TDRD12: variants seen among roughly 807,000 people sequenced by gnomAD.
TDRD12 encodes the protein putative ATP-dependent RNA helicase TDRD12.
Under a neutral mutation model 133.5 loss-of-function variants are expected in TDRD12, and 158 were observed. The ratio of observed to expected loss-of-function variants is 1.18; its 90% CI spans 1.04 to 1.35. The LOEUF (loss-of-function observed/expected upper bound fraction) is 1.35. Among genes scored for constraint, TDRD12 ranks in the 40% most tolerant of loss-of-function variants. The pLI, the probability that TDRD12 is intolerant of heterozygous loss-of-function variation, is 0.00. For synonymous variants in TDRD12, 460 were observed against 477.9 expected (o/e 0.96, Z 0.49); for missense variants, 1,443 against 1,321.3 (o/e 1.09, Z -1.43).
At chr19:32,738,137 C>T (rs1969282959) in intron 2 of TDRD12, among the ~76,000 whole-genome samples, 2 of 151,188 alleles carry the variant, frequency 1.3e-5, no homozygotes. Context: ...AACTCCGTCT[C>T]AAAAAAAATA....
chr19:32,818,857 A>G (rs1405807705), intron 27 of TDRD12, among the ~76,000 whole-genome samples: 1 of 151,688 alleles, frequency 6.6e-6, no homozygotes, highest in Non-Finnish European at 1.5e-5. Context: ...AGTGAGGACC[A>G]AGACAGACAG....
exon 21 of TDRD12, chr19:32,803,055 A>C: frequency 1.3e-6 from 2 of 1,536,094 alleles, no homozygotes; most frequent in Non-Finnish European, 1.7e-6. Context: ...GAGCTGTACG[A>C]GTTCACCGCA....
chr19:32,764,816 C>G (rs1228449554), intron 8 of TDRD12, among the ~76,000 whole-genome samples: 1 of 152,078 alleles, frequency 6.6e-6, no homozygotes, highest in Non-Finnish European at 1.5e-5. Context: ...TTTTTATGTC[C>G]TCTAGGCATG....
intron 8 of TDRD12, among the ~76,000 whole-genome samples, chr19:32,768,117 C>T (rs1257550719): frequency 6.6e-6 from 1 of 152,122 alleles, no homozygotes; most frequent in African/African-American, 2.4e-5. Context: ...AGTGGCCGCG[C>T]CCCAGGCCAC....
At chr19:32,741,418 C>G (rs942109759) in intron 3 of TDRD12, among the ~76,000 whole-genome samples, 4 of 152,174 alleles carry the variant, frequency 2.6e-5, no homozygotes, top group African/African-American at 9.7e-5. Context: ...TCATGGCATA[C>G]GTGTTTATCA....
At chr19:32,748,905 G>T (rs1180543338) in intron 5 of TDRD12, among the ~76,000 whole-genome samples, 1 of 152,232 alleles carries the variant, frequency 6.6e-6, no homozygotes. Flanking sequence ...GATAGTAAAT[G>T]GATATTTATT....
intron 11 of TDRD12, among the ~76,000 whole-genome samples, chr19:32,784,518 G>T (rs931318967): frequency 2.0e-5 from 3 of 152,104 alleles, no homozygotes; most frequent in Non-Finnish European, 2.9e-5. Flanking sequence ...GAGTTAGGAA[G>T]GATTCCCTCT....
intron 1 of TDRD12, among the ~76,000 whole-genome samples, chr19:32,724,532 T>C (rs1968797400): frequency 6.6e-6 from 1 of 152,202 alleles, no homozygotes; most frequent in Non-Finnish European, 1.5e-5. Flanking sequence ...GCTTCATCCA[T>C]GTCCCTGCAA....
chr19:32,725,232 T>A (rs1167188020), intron 1 of TDRD12, among the ~76,000 whole-genome samples: 1 of 152,162 alleles, frequency 6.6e-6, no homozygotes, highest in East Asian at 1.9e-4. Flanking sequence ...CATTTGTCAA[T>A]TTTTACTTTT....
chr19:32,808,643 G>T (rs781665522), intron 22 of TDRD12, among the ~76,000 whole-genome samples: 3 of 152,198 alleles, frequency 2.0e-5, no homozygotes, highest in Non-Finnish European at 4.4e-5. Flanking sequence ...CAGTGAGCTT[G>T]GGGGTTAGGA....
chr19:32,729,439 G>A (rs896961253), intron 1 of TDRD12, among the ~76,000 whole-genome samples: 2 of 151,304 alleles, frequency 1.3e-5, no homozygotes, highest in Non-Finnish European at 2.9e-5. Flanking sequence ...GGATGGTCTC[G>A]ATCTCCTGAC....
intron 9 of TDRD12, 117 bp downstream of exon 9, chr19:32,772,967 C>T: frequency 1.9e-6 from 1 of 540,204 alleles, no homozygotes; most frequent in East Asian, 3.5e-5. Context: ...AATCATTGGC[C>T]ATGATAGTTT....
At chr19:32,800,183 A>G in exon 17 of TDRD12, 2 of 1,506,096 alleles carry the variant, frequency 1.3e-6, no homozygotes, top group South Asian at 1.3e-5. Context: ...GCTATATTAG[A>G]TAACTTTAAA....
chr19:32,792,670 A>G lies in TDRD12; in HGVS notation c.1287+1602A>G, dbSNP rs375504390. On this transcript the variant is annotated intron_variant, in intron 13 of 27. Coordinates refer to ENST00000444215, the Ensembl canonical transcript of TDRD12. Reference sequence around the variant, plus strand: ...TAGGACATTTTCTGAAGATTAACATAGGAACATTTTCTGGACCTAATGGAC... The same window carrying G: ...TAGGACATTTTCTGAAGATTAACATGGGAACATTTTCTGGACCTAATGGAC... Among the ~76,000 whole-genome samples the G allele has an allele frequency of 1.6e-4, 24 of 152,350 alleles. No individual in the cohort carries two copies. In the South Asian group the frequency reaches 2.3e-3, roughly 14 times the overall value.
intron 15 of TDRD12, 84 bp downstream of exon 15, chr19:32,797,975 G>C: frequency 1.7e-6 from 1 of 600,520 alleles, no homozygotes; most frequent in Non-Finnish European, 2.9e-6. Context: ...GCCTGGCTGG[G>C]CCTGGGTCCA....
At chr19:32,816,357 C>T (rs901181828) in intron 26 of TDRD12, among the ~76,000 whole-genome samples, 4 of 152,114 alleles carry the variant, frequency 2.6e-5, no homozygotes, top group East Asian at 1.9e-4. Context: ...CTCCTGATGT[C>T]GAAAAGCAGG....
exon 24 of TDRD12, chr19:32,811,259 G>A: frequency 1.3e-6 from 2 of 1,536,136 alleles, no homozygotes; most frequent in Non-Finnish European, 1.7e-6. Context: ...GGCCCTGGAT[G>A]ACATCCTTGT....
chr19:32,794,703 G>A (rs900937139), exon 14 of TDRD12: 37 of 703,068 alleles, frequency 5.3e-5, no homozygotes, highest in Non-Finnish European at 8.8e-5. Context: ...GCGTGGCTGT[G>A]ATGTGGTTGT....
At chr19:32,765,419 G>A (rs533483655) in intron 8 of TDRD12, among the ~76,000 whole-genome samples, 1 of 152,258 alleles carries the variant, frequency 6.6e-6, no homozygotes, top group Non-Finnish European at 1.5e-5. Flanking sequence ...AAGTCATACT[G>A]CTATAAAGAC....
Sources: allele counts gnomAD v4.1 joint callset (sites outside exome capture counted in the v4.1 genomes callset), GRCh38; gene constraint gnomAD v4.1.1; transcripts MANE v1.5; gene names NCBI Gene and HGNC (gene_info 2026-07-23, HGNC 2026-07-21).